ECT2L: variants seen among roughly 807,000 people sequenced by gnomAD.
The protein encoded by ECT2L is epithelial cell-transforming sequence 2 oncogene-like.
In ECT2L, 126 loss-of-function variants were observed where a neutral mutation model predicts 122.8. That is an observed-to-expected ratio of 1.03 (90% CI 0.89 to 1.19). ECT2L has a LOEUF of 1.19. ECT2L is among the 50% of genes most tolerant of loss of function. ECT2L has a pLI of 0.00. For missense variants in ECT2L, 1,012 were observed against 1,064.1 expected, an observed-to-expected ratio of 0.95 and a Z score of 0.68; for synonymous variants, 385 against 381.8, an observed-to-expected ratio of 1.01 and a Z score of -0.10.
chr6:138,844,443 G>A lies in ECT2L; in HGVS notation c.627G>A (p.Val209=). The change falls in exon 7 of 22, where the codon GTG becomes GTA. Residue 209 remains valine, a synonymous_variant. Transcript: ENST00000541398. ...TATTCAAAGTTCGACCCCCTTGGGT[G>A]AGTGGAACTTGCTGCTCTAGCGTGC... ...KELFKVRPPW[V]SGTCCSSVLK... is the part of the protein sequence containing the mutation. 1 of 1,614,138 alleles carries A rather than the reference G, an allele frequency of 6.2e-7. No homozygotes were observed. Among genetic ancestry groups the A allele is most frequent in the Non-Finnish European group, 8.5e-7 (1 of 1,179,998 alleles).
intron 4 of ECT2L, among the ~76,000 whole-genome samples, chr6:138,832,476 C>A (rs1226001372): frequency 6.6e-6 from 1 of 152,138 alleles, no homozygotes; most frequent in Non-Finnish European, 1.5e-5. Flanking sequence ...TATTTTCTCA[C>A]CAGCGTTTAT....
At chr6:138,823,427 C>A in intron 4 of ECT2L, 2 of 1,608,708 alleles carry the variant, frequency 1.2e-6, no homozygotes, top group Non-Finnish European at 1.7e-6. Flanking sequence ...CAAGGACACT[C>A]ATGAAGATGC....
At chr6:138,821,555 G>A (rs75641417) in intron 4 of ECT2L, among the ~76,000 whole-genome samples, 3,341 of 152,338 alleles carry the variant, frequency 0.022, 124 homozygotes, top group African/African-American at 0.076. Context: ...TTGATCATGT[G>A]CTTTTCAGAG....
chr6:138,875,402 T>A (rs907743353), intron 13 of ECT2L, among the ~76,000 whole-genome samples: 3 of 152,250 alleles, frequency 2.0e-5, no homozygotes, highest in African/African-American at 7.2e-5. Context: ...CAAATTGAAG[T>A]TATTCTTCCA....
intron 5 of ECT2L, among the ~76,000 whole-genome samples, chr6:138,838,720 TG>T (rs1776933080): frequency 6.6e-6 from 1 of 152,250 alleles, no homozygotes; most frequent in Non-Finnish European, 1.5e-5. Context: ...CAATAATTCC[TG>T]TTACTTAAAA....
At chr6:138,818,995 A>G (rs1267494324) in intron 4 of ECT2L, among the ~76,000 whole-genome samples, 1 of 152,134 alleles carries the variant, frequency 6.6e-6, no homozygotes, top group East Asian at 1.9e-4. Context: ...TCAAGCAGAG[A>G]ATCTTTGTCA....
chr6:138,854,184 G>A (rs1183178401), intron 10 of ECT2L, 30 bp downstream of exon 10: 1 of 1,579,806 alleles, frequency 6.3e-7, no homozygotes, highest in South Asian at 1.2e-5. Context: ...TAGAGAGACA[G>A]TGGCCATGCC....
At chr6:138,889,069 T>C (rs1173995983) in intron 20 of ECT2L, 38 bp downstream of exon 20, 2 of 1,187,314 alleles carry the variant, frequency 1.7e-6, no homozygotes, top group Non-Finnish European at 2.3e-6. Flanking sequence ...TGTGGACACC[T>C]TCCAAGCAGG....
At chr6:138,861,363 T>A (rs1301383878) in intron 10 of ECT2L, among the ~76,000 whole-genome samples, 2 of 152,204 alleles carry the variant, frequency 1.3e-5, no homozygotes, top group East Asian at 3.8e-4. Flanking sequence ...AAAGTATTCC[T>A]ATTTCTCCAC....
rs369123657 is a variant in ECT2L at position 138,885,723 on chromosome 6, A to C, written c.2152A>C (p.Asn718His). Residue 718 changes from asparagine to histidine, a missense_variant, in exon 18 of 22, where the codon AAT becomes CAT. Asn to His is a moderately conservative substitution (Grantham distance 68, BLOSUM62 1). Transcript: ENST00000541398. The part of the protein sequence containing the change: ...YPSRRFEEYL[N>H]LLYAVRLHTP... ...ATCCCGAAGATTTGAAGAATACCTTAATCTTCTCTACGCTGTCAGGCTTCA... is the reference window on the plus strand; with the variant it reads ...ATCCCGAAGATTTGAAGAATACCTTCATCTTCTCTACGCTGTCAGGCTTCA... 2 of 1,614,050 alleles carry C rather than the reference A, an allele frequency of 1.2e-6. No individual in the cohort carries two copies. Among genetic ancestry groups the C allele is most frequent in the African/African-American group, 1.3e-5 (1 of 74,914 alleles).
chr6:138,889,402 C>T (rs1388388287), intron 20 of ECT2L, among the ~76,000 whole-genome samples: 2 of 152,160 alleles, frequency 1.3e-5, no homozygotes, highest in East Asian at 3.9e-4. Flanking sequence ...TCTCGGCTCA[C>T]AGCAACCTCC....
chr6:138,844,302 AT>A, intron 6 of ECT2L, 109 bp from the exon 7 acceptor site: 1 of 1,300,610 alleles, frequency 7.7e-7, no homozygotes, highest in South Asian at 1.5e-5. Flanking sequence ...AATTATTGTC[AT>A]TTGGAACCTT....
At chr6:138,880,075 T>TA (rs544153025) in intron 14 of ECT2L, among the ~76,000 whole-genome samples, 80 of 152,366 alleles carry the variant, frequency 5.3e-4, no homozygotes, top group African/African-American at 1.8e-3. Context: ...CTATCCTTCA[T>TA]ACTGAAGTTA....
chr6:138,897,879 C>T (rs1779269605), intron 20 of ECT2L, among the ~76,000 whole-genome samples: 1 of 152,074 alleles, frequency 6.6e-6, no homozygotes, highest in Non-Finnish European at 1.5e-5. Context: ...CGGCATTGTC[C>T]CTTCCAAAGG....
intron 19 of ECT2L, among the ~76,000 whole-genome samples, chr6:138,888,338 A>C (rs1306084525): frequency 9.6e-6 from 1 of 103,906 alleles, no homozygotes; most frequent in East Asian, 2.4e-4. Context: ...TTTTTTTGAG[A>C]TGGAGTCTCA....
chr6:138,862,714 AGC>A lies in ECT2L; in HGVS notation c.1287_1288del (p.Ile431SerfsTer2). The A allele has an allele frequency of 6.2e-7, 1 of 1,613,960 alleles. No individual in the cohort carries two copies. Among genetic ancestry groups the A allele is most frequent in the South Asian group, 1.1e-5 (1 of 91,078 alleles). ...ACTGGGATTGCAACTGGCTCTTACC[AGC>A]ACAGTAAGTGTTATGGGAGCTGAGC... On this transcript the variant is annotated frameshift_variant, in exon 11 of 22. Coordinates refer to ENST00000541398, the MANE Select transcript of ECT2L (RefSeq NM_001077706.3). LOFTEE classifies it high-confidence loss of function.
At chr6:138,842,397 G>T (rs1777069084) in intron 5 of ECT2L, among the ~76,000 whole-genome samples, 1 of 151,948 alleles carries the variant, frequency 6.6e-6, no homozygotes, top group African/African-American at 2.4e-5. Context: ...GAAGGCAGAG[G>T]TTGTAGTGAG....
intron 13 of ECT2L, among the ~76,000 whole-genome samples, chr6:138,872,854 A>G (rs950058499): frequency 1.3e-5 from 2 of 151,864 alleles, no homozygotes; most frequent in Non-Finnish European, 2.9e-5. Context: ...ATCCCAGAAA[A>G]CCCCCTCTTT....
intron 8 of ECT2L, among the ~76,000 whole-genome samples, chr6:138,848,156 A>G (rs904153630): frequency 1.3e-5 from 2 of 152,208 alleles, no homozygotes; most frequent in African/African-American, 4.8e-5. Flanking sequence ...CTCGACACAC[A>G]GGGATTATGG....
Sources: allele counts gnomAD v4.1 joint callset (sites outside exome capture counted in the v4.1 genomes callset), GRCh38; gene constraint gnomAD v4.1.1; transcripts MANE v1.5; gene names NCBI Gene and HGNC (gene_info 2026-07-23, HGNC 2026-07-21).